PARD3B: variants seen among roughly 807,000 people sequenced by gnomAD.
The protein encoded by PARD3B is par-3 family cell polarity regulator beta.
PARD3B carries 103 observed loss-of-function variants against 130.2 expected under a neutral mutation model. The observed-to-expected ratio is 0.79, with a 90% CI of 0.67 to 0.93. The LOEUF (loss-of-function observed/expected upper bound fraction) is 0.93, where lower values mean the gene tolerates loss of function less well. Ranked by LOEUF, PARD3B falls within the 40% of genes least tolerant of loss-of-function variation. The pLI is 0.00. For synonymous variants in PARD3B, 583 were observed against 553.2 expected (o/e 1.05, Z -0.76); for missense variants, 1,609 against 1,499.2 (o/e 1.07, Z -1.21).
At chr2:205,266,598 T>C (rs1284465457) in intron 16 of PARD3B, among the ~76,000 whole-genome samples, 1 of 152,122 alleles carries the variant, frequency 6.6e-6, no homozygotes, top group Non-Finnish European at 1.5e-5. Flanking sequence ...TTGCAATTAC[T>C]GTGGTGTTTG....
intron 21 of PARD3B, among the ~76,000 whole-genome samples, chr2:205,539,519 C>T (rs1188250526): frequency 6.6e-6 from 1 of 152,186 alleles, no homozygotes; most frequent in South Asian, 2.1e-4. Context: ...AGCATCCAAG[C>T]TTCAAAGCCA....
At chr2:205,174,889 G>C (rs943904214) in intron 12 of PARD3B, among the ~76,000 whole-genome samples, 4 of 152,240 alleles carry the variant, frequency 2.6e-5, no homozygotes, top group African/African-American at 9.6e-5. Context: ...GTTTTAAACA[G>C]AAACATATTT....
chr2:205,362,155 T>A (rs13409214), intron 18 of PARD3B, among the ~76,000 whole-genome samples: 8,030 of 152,260 alleles, frequency 0.053, 639 homozygotes, highest in African/African-American at 0.17. Context: ...CAATGAAAAG[T>A]AGTCACTGCT....
Position 204,853,737 on chromosome 2 carries a change from A to C in PARD3B, c.223-111415A>C, listed in dbSNP as rs575262807. Among the ~76,000 whole-genome samples the C allele has an allele frequency of 4.3e-4, 65 of 152,350 alleles. No homozygotes were observed. In the South Asian group the frequency reaches 0.013, roughly 31 times the overall value. On this transcript the variant is annotated intron_variant, in intron 2 of 22. Transcript: ENST00000406610. ...TGTATGCATTTAGCATGTTGCTAGA[A>C]GCTGAGGAGTCATCAGTGAATGCAA...
chr2:205,260,180 C>G lies in PARD3B; in HGVS notation c.2185+14358C>G, dbSNP rs551457499. The stretch of plus-strand genomic sequence containing the variant: ...ACAAAAAATAGGAATACCATTAATA[C>G]AGTAAAAAATAATGTGTTCAGGTAA... On this transcript the variant is annotated intron_variant, in intron 16 of 22. Coordinates refer to ENST00000406610, the MANE Select transcript of PARD3B (RefSeq NM_001302769.2). Among the ~76,000 whole-genome samples the G allele has an allele frequency of 3.9e-5, 6 of 152,150 alleles. No homozygotes were observed. The East Asian group carries it at 9.7e-4, about 25-fold the overall frequency.
chr2:204,685,929 A>G (rs779172247), intron 1 of PARD3B, among the ~76,000 whole-genome samples: 2 of 152,126 alleles, frequency 1.3e-5, no homozygotes, highest in Non-Finnish European at 2.9e-5. Flanking sequence ...CAAACAGTTT[A>G]TTTTTGCATT....
At position 204,623,868 on chromosome 2, in the gene PARD3B, G is replaced by A. The variant is rs1168977937; in HGVS notation, c.121-62313G>A. ...ATACTCTGTGCTTCTATGTGTTTGA[G>A]TACTTTATGTACCTTGTGTAAGTAG... On this transcript the variant is annotated intron_variant, in intron 1 of 22. Transcript: ENST00000406610. This position sits in a 1 kb window ranked among gnomAD's most constrained non-coding sequence, Gnocchi z 4.5. Among the ~76,000 whole-genome samples, 1 of 152,150 alleles carries A rather than the reference G, an allele frequency of 6.6e-6. No individual in the cohort carries two copies. Among genetic ancestry groups the A allele is most frequent in the Non-Finnish European group, 1.5e-5 (1 of 68,032 alleles).
chr2:204,833,759 C>A (rs1394352285), intron 2 of PARD3B, among the ~76,000 whole-genome samples: 2 of 152,100 alleles, frequency 1.3e-5, no homozygotes, highest in African/African-American at 4.8e-5. Flanking sequence ...CATTAGATCT[C>A]TTTTTCTTTA....
At chr2:205,293,659 C>A (rs2041689551) in intron 16 of PARD3B, 1 of 152,088 alleles carries the variant, frequency 6.6e-6, no homozygotes, top group Non-Finnish European at 1.5e-5. Context: ...ATTATTAAAT[C>A]ATTGAAAGTA....
chr2:205,608,788 A>T (rs2055116448), intron 22 of PARD3B, among the ~76,000 whole-genome samples: 1 of 152,208 alleles, frequency 6.6e-6, no homozygotes, highest in Non-Finnish European at 1.5e-5. Flanking sequence ...ATTTGTGGTC[A>T]TTGTTTAAAA....
chr2:204,576,925 G>A (rs527935957), intron 1 of PARD3B, among the ~76,000 whole-genome samples: 22 of 152,242 alleles, frequency 1.4e-4, no homozygotes, highest in African/African-American at 4.6e-4. Flanking sequence ...AAACCGTGCC[G>A]TGTTTTTAAT....
intron 16 of PARD3B, among the ~76,000 whole-genome samples, chr2:205,298,948 T>C (rs558027358): frequency 3.2e-4 from 49 of 152,332 alleles, no homozygotes; most frequent in African/African-American, 1.2e-3. Context: ...GTCAATGCTG[T>C]GTGCCTCAAT....
At chr2:205,342,785 C>A (rs1232760927) in intron 18 of PARD3B, among the ~76,000 whole-genome samples, 1 of 152,160 alleles carries the variant, frequency 6.6e-6, no homozygotes, top group East Asian at 1.9e-4. Flanking sequence ...TTCTTTGAAC[C>A]TTATTCCATC....
chr2:205,126,819 T>C (rs1459808198), intron 10 of PARD3B, among the ~76,000 whole-genome samples: 2 of 143,108 alleles, frequency 1.4e-5, no homozygotes. Flanking sequence ...GTTCATAATC[T>C]AATACTATAT....
rs1054032409 is a variant in PARD3B at position 205,146,713 on chromosome 2, C to A, written c.1435-12009C>A. Among the ~76,000 whole-genome samples, 1 of 151,918 alleles carries A rather than the reference C, an allele frequency of 6.6e-6. No individual in the cohort carries two copies. Among genetic ancestry groups the A allele is most frequent in the African/African-American group, 2.4e-5 (1 of 41,384 alleles). On this transcript the variant is annotated intron_variant, in intron 10 of 22. Coordinates refer to ENST00000406610, the MANE Select transcript of PARD3B (RefSeq NM_001302769.2). The surrounding 1 kb of genome is among the most constrained non-coding windows in gnomAD (Gnocchi z 4.3). ...AATCTTATGTTCATATAAAAGGACA[C>A]ATTCTTTTTTTATTTTTTGTTTTTT...
At chr2:205,337,006 AC>A (rs573908209) in intron 18 of PARD3B, among the ~76,000 whole-genome samples, 32 of 151,588 alleles carry the variant, frequency 2.1e-4, no homozygotes, top group Middle Eastern at 3.4e-3. Flanking sequence ...ATCTAACCTA[AC>A]CTTTTCTAAT....
At chr2:204,963,499 G>C (rs1429274972) in intron 2 of PARD3B, among the ~76,000 whole-genome samples, 1 of 152,034 alleles carries the variant, frequency 6.6e-6, no homozygotes, top group Non-Finnish European at 1.5e-5. Flanking sequence ...TAGTTGATTG[G>C]TATGTTAAAT....
At chr2:204,575,364 A>T (rs996535225) in intron 1 of PARD3B, among the ~76,000 whole-genome samples, 2 of 152,240 alleles carry the variant, frequency 1.3e-5, no homozygotes, top group African/African-American at 4.8e-5. Flanking sequence ...AGCCACTCCC[A>T]TGAAAACTCA....
At position 204,965,180 on chromosome 2, in the gene PARD3B, C is replaced by A. The variant is rs547092370; in HGVS notation, c.251C>A (p.Pro84Gln). The part of the protein sequence containing the change: ...KLIAVFEEQE[P>Q]LHKIESPSGN... ...ATTGCTGTGTTTGAAGAACAAGAAC[C>A]ACTCCACAAGATTGAGAGCCCCAGT... is the stretch of plus-strand genomic sequence containing the variant. The change falls in exon 3 of 23, where the codon CCA becomes CAA. Residue 84 changes from proline (P) to glutamine (Q), a missense_variant. Transcript: ENST00000406610. 6.2e-7 allele frequency: 1 copy of A among 1,613,594 alleles called. No homozygotes were observed. Among genetic ancestry groups the A allele is most frequent in the South Asian group, 1.1e-5 (1 of 91,044 alleles).
Sources: allele counts gnomAD v4.1 joint callset (sites outside exome capture counted in the v4.1 genomes callset), GRCh38; gene constraint gnomAD v4.1.1; non-coding constraint Gnocchi (gnomAD v3.1); transcripts MANE v1.5; gene names NCBI Gene and HGNC (gene_info 2026-07-23, HGNC 2026-07-21).